TMEM273: variants seen among roughly 807,000 people sequenced by gnomAD.
The protein encoded by TMEM273 is transmembrane protein 273.
In TMEM273, 19 loss-of-function variants were observed where a neutral mutation model predicts 17.9. That is an observed-to-expected ratio of 1.06 (90% CI 0.74 to 1.55). TMEM273 has a LOEUF of 1.55. TMEM273 is among the 40% of genes most tolerant of loss of function. TMEM273 has a pLI of 0.00. For synonymous variants in TMEM273, 66 were observed against 62.0 expected, an observed-to-expected ratio of 1.07 and a Z score of -0.31; for missense variants, 194 against 155.6, an observed-to-expected ratio of 1.25 and a Z score of -1.31.
intron 1 of TMEM273, 87 bp downstream of exon 1, chr10:49,188,207 G>T: frequency 1.4e-6 from 2 of 1,418,056 alleles, no homozygotes; most frequent in Non-Finnish European, 2.0e-6. Flanking sequence ...TATGTTTTAG[G>T]GATCAAGCCC....
In TMEM273 at chr10:49,161,659, C is replaced by A. The variant is rs1422480171; in HGVS notation, c.349-37G>T. On this transcript the variant is annotated intron_variant, in intron 5 of 6. Transcript: ENST00000374153. Reference sequence around the variant, plus strand: ...GATAAAAGGGTGTTCATTGCCTAAGCCTTAGAAGCCAGAAAGACAATGCAA... The same window carrying A: ...GATAAAAGGGTGTTCATTGCCTAAGACTTAGAAGCCAGAAAGACAATGCAA... The A allele has an allele frequency of 3.7e-6, 6 of 1,613,978 alleles. No homozygotes were observed. The South Asian group carries it at 4.4e-5, about 12-fold the overall frequency.
intron 1 of TMEM273, among the ~76,000 whole-genome samples, chr10:49,169,971 C>T (rs1488738312): frequency 6.6e-6 from 1 of 152,262 alleles, no homozygotes; most frequent in Non-Finnish European, 1.5e-5. Flanking sequence ...GGGGCCAGAC[C>T]CCTGAGCCCC....
intron 1 of TMEM273, among the ~76,000 whole-genome samples, chr10:49,185,039 C>A (rs181106545): frequency 7.2e-5 from 11 of 152,212 alleles, no homozygotes; most frequent in African/African-American, 2.4e-4. Flanking sequence ...GGAAGCACAG[C>A]CAACCCTGGG....
chr10:49,174,997 C>A (rs1195980344), intron 1 of TMEM273, among the ~76,000 whole-genome samples: 1 of 151,912 alleles, frequency 6.6e-6, no homozygotes, highest in East Asian at 1.9e-4. Context: ...ACAGAAGCTC[C>A]CCCGGAGAGA....
At chr10:49,171,909 T>TG (rs371286158) in intron 1 of TMEM273, among the ~76,000 whole-genome samples, 7 of 152,298 alleles carry the variant, frequency 4.6e-5, no homozygotes, top group African/African-American at 1.7e-4. Context: ...CCACCCTTGA[T>TG]GGGGGACTGG....
In TMEM273 at chr10:49,165,423, A is replaced by C. The variant is rs191819479; in HGVS notation, c.270-140T>G. 17 of 1,503,536 alleles carry C rather than the reference A, an allele frequency of 1.1e-5. No individual in the cohort carries two copies. In the East Asian group the frequency reaches 1.5e-4, roughly 13 times the overall value. 93.1% of individuals were successfully genotyped at this position (1,503,536 alleles called of 1,614,324 possible). Reference sequence around the variant, plus strand: ...GAAGCCCAGAAACCTGGGACAAACCACGTGTGACCTCCCAAGTGACAGGGG... The same window carrying C: ...GAAGCCCAGAAACCTGGGACAAACCCCGTGTGACCTCCCAAGTGACAGGGG... On this transcript the variant is annotated intron_variant, in intron 4 of 6. Coordinates refer to ENST00000374153, the MANE Select transcript of TMEM273 (RefSeq NM_001288740.3).
intron 6 of TMEM273, among the ~76,000 whole-genome samples, chr10:49,156,789 G>T (rs1334790625): frequency 6.6e-6 from 1 of 152,160 alleles, no homozygotes; most frequent in Non-Finnish European, 1.5e-5. Context: ...CATATTTGAG[G>T]ACCAAGGACA....
chr10:49,165,690 A>G, intron 4 of TMEM273, 76 bp downstream of exon 4: 1 of 1,585,732 alleles, frequency 6.3e-7, no homozygotes, highest in South Asian at 1.1e-5. Context: ...GCTGGGGATG[A>G]CAGGCAAGGG....
chr10:49,174,586 C>A (rs1846821448), intron 1 of TMEM273, among the ~76,000 whole-genome samples: 1 of 152,184 alleles, frequency 6.6e-6, no homozygotes, highest in African/African-American at 2.4e-5. Context: ...GTCTGCAGAC[C>A]CCTCCCATGC....
At chr10:49,156,166 C>T (rs1395981697) in intron 6 of TMEM273, 7 of 1,514,284 alleles carry the variant, frequency 4.6e-6, no homozygotes, top group Non-Finnish European at 6.2e-6. Context: ...ACTTTGATGA[C>T]AAAAAGAGAA....
chr10:49,186,693 A>G (rs1182282008), intron 1 of TMEM273, among the ~76,000 whole-genome samples: 1 of 152,246 alleles, frequency 6.6e-6, no homozygotes, highest in East Asian at 1.9e-4. Context: ...CTGGTAAACA[A>G]CAGAACAGGG....
chr10:49,180,516 C>A (rs1847279226), intron 1 of TMEM273, among the ~76,000 whole-genome samples: 1 of 152,124 alleles, frequency 6.6e-6, no homozygotes, highest in African/African-American at 2.4e-5. Context: ...TTTCTCTCGA[C>A]AGAATGATAT....
intron 4 of TMEM273, among the ~76,000 whole-genome samples, chr10:49,165,558 C>A (rs1473978032): frequency 6.6e-6 from 1 of 152,236 alleles, no homozygotes; most frequent in East Asian, 1.9e-4. Flanking sequence ...CCTTTGACGG[C>A]TGTAGCCTGT....
intron 1 of TMEM273, among the ~76,000 whole-genome samples, chr10:49,177,436 CA>C (rs963828158): frequency 4.2e-4 from 64 of 152,244 alleles, no homozygotes; most frequent in African/African-American, 1.5e-3. Context: ...CCTGAACTCT[CA>C]AAACAAGATA....
chr10:49,157,781 C>A (rs1016628975), intron 6 of TMEM273, among the ~76,000 whole-genome samples: 1 of 152,166 alleles, frequency 6.6e-6, no homozygotes, highest in African/African-American at 2.4e-5. Context: ...CTGGCAGACG[C>A]ATGTTGTATG....
Position 49,165,062 on chromosome 10 carries a change from G to A in TMEM273, c.348+143C>T, listed in dbSNP as rs540103421. ...GTGAAAAGGAAGACCCTACCCGCCC[G>A]GAGCTTACATTTTAGAAAAAAACCC... On this transcript the variant is annotated intron_variant, in intron 5 of 6. Transcript: ENST00000374153. 2.5e-4 allele frequency: 301 copies of A among 1,212,242 alleles called. 1 individual carries two copies. The highest frequency in any genetic ancestry group is 1.1e-3 in the Middle Eastern group (5 of 4,706). The allele number at this position is 1,212,242 out of a possible 1,614,324, so 75.1% of individuals were successfully genotyped here.
At chr10:49,174,908 T>C (rs1279635498) in intron 1 of TMEM273, among the ~76,000 whole-genome samples, 2 of 152,066 alleles carry the variant, frequency 1.3e-5, no homozygotes, top group Non-Finnish European at 2.9e-5. Flanking sequence ...CATACGGCAG[T>C]CCCTGCTAAT....
chr10:49,159,261 T>A (rs779882351), intron 6 of TMEM273, among the ~76,000 whole-genome samples: 23 of 152,176 alleles, frequency 1.5e-4, no homozygotes, highest in Non-Finnish European at 3.1e-4. Context: ...TGACTCTCTA[T>A]CCAATTGATA....
In TMEM273 at chr10:49,166,947, G is replaced by A. The variant is rs1196617696; in HGVS notation, c.160C>T (p.Leu54=). The A allele has an allele frequency of 9.3e-6, 15 of 1,614,066 alleles. No homozygotes were observed. The highest frequency in any genetic ancestry group is 1.3e-5 in the Non-Finnish European group (15 of 1,180,042). ...GVAISAGFLA[L]KICMIRRHLF... Reference sequence around the variant, plus strand: ...TGCCTCCTGATCATGCAGATCTTCAGGGCCAGGAAGCCAGCAGATATGGCG... The same window carrying A: ...TGCCTCCTGATCATGCAGATCTTCAAGGCCAGGAAGCCAGCAGATATGGCG... Residue 54 remains leucine (L), a synonymous_variant, in exon 3 of 7, where the codon CTG becomes TTG. Transcript: ENST00000374153.
Sources: gnomAD v4.1 joint callset for allele counts (sites outside exome capture counted in the v4.1 genomes callset) on GRCh38, gnomAD v4.1.1 for gene constraint, MANE v1.5 for transcripts, NCBI Gene and HGNC (gene_info 2026-07-23, HGNC 2026-07-21) for gene names.